DOK6: variants seen among roughly 807,000 people sequenced by gnomAD.
DOK6 encodes the protein downstream of tyrosine kinase 6.
A neutral mutation model predicts 44.0 loss-of-function variants in DOK6; 22 were observed. That is an observed-to-expected ratio of 0.50 (90% CI 0.36 to 0.71). The LOEUF (loss-of-function observed/expected upper bound fraction) is 0.71. Ranked by LOEUF, DOK6 falls within the 30% of genes least tolerant of loss-of-function variation. DOK6 has a pLI of 0.00. For missense variants in DOK6, 340 were observed against 416.4 expected, an observed-to-expected ratio of 0.82 and a Z score of 1.60; for synonymous variants, 166 against 145.5, an observed-to-expected ratio of 1.14 and a Z score of -1.01.
intron 4 of DOK6, among the ~76,000 whole-genome samples, chr18:69,689,774 T>C (rs1435527063): frequency 1.3e-5 from 2 of 152,174 alleles, no homozygotes; most frequent in African/African-American, 2.4e-5. Flanking sequence ...GAGCTAAAAA[T>C]TGGTTATTTT....
chr18:69,627,114 A>G (rs1369740060), intron 3 of DOK6, among the ~76,000 whole-genome samples: 1 of 152,184 alleles, frequency 6.6e-6, no homozygotes, highest in East Asian at 1.9e-4. Context: ...CTGCCGAGTC[A>G]TGGCCTGATT....
At chr18:69,807,940 A>C (rs984691395) in intron 7 of DOK6, among the ~76,000 whole-genome samples, 5 of 151,890 alleles carry the variant, frequency 3.3e-5, no homozygotes, top group African/African-American at 1.2e-4. Context: ...ACCTTAGACC[A>C]AATGGATCTA....
intron 7 of DOK6, among the ~76,000 whole-genome samples, chr18:69,806,652 T>C (rs926288508): frequency 2.6e-5 from 4 of 151,950 alleles, no homozygotes; most frequent in African/African-American, 9.7e-5. Flanking sequence ...ATAAATCTCA[T>C]TTATCCATCA....
intron 5 of DOK6, among the ~76,000 whole-genome samples, chr18:69,710,999 G>A (rs1986742571): frequency 1.3e-5 from 2 of 152,312 alleles, no homozygotes; most frequent in East Asian, 3.9e-4. Flanking sequence ...TCTAGCTTTG[G>A]TTTGTCTGCT....
intron 1 of DOK6, among the ~76,000 whole-genome samples, chr18:69,539,921 T>G (rs555309772): frequency 1.3e-5 from 2 of 152,320 alleles, no homozygotes; most frequent in East Asian, 3.9e-4. Flanking sequence ...GACACAATTC[T>G]GCATGGCTGG....
intron 1 of DOK6, among the ~76,000 whole-genome samples, chr18:69,555,606 C>T (rs540651573): frequency 2.9e-4 from 44 of 152,204 alleles, no homozygotes; most frequent in Middle Eastern, 3.4e-3. Context: ...TCTGATTCTA[C>T]GGTGTCTTAA....
chr18:69,814,040 C>G (rs556705935), intron 7 of DOK6, among the ~76,000 whole-genome samples: 1 of 151,804 alleles, frequency 6.6e-6, no homozygotes, highest in South Asian at 2.1e-4. Flanking sequence ...GGAGGAGACA[C>G]CAGCAGAAGA....
intron 3 of DOK6, among the ~76,000 whole-genome samples, chr18:69,605,249 T>TTAGGAAATGTATTAATAAGAG (rs1469225759): frequency 5.9e-5 from 9 of 152,102 alleles, no homozygotes; most frequent in African/African-American, 1.9e-4. Context: ...TTCTATAAGG[T>TTAGGAAATGTATTAATAAGAG]TAGGAAATGT....
chr18:69,412,684 A>T (rs1978311363), intron 1 of DOK6, among the ~76,000 whole-genome samples: 1 of 152,188 alleles, frequency 6.6e-6, no homozygotes, highest in Admixed American at 6.6e-5. Flanking sequence ...AAATGTCTAT[A>T]TCGGCTACTT....
At chr18:69,434,213 CTACCATTCCACAAA>C (rs1294154994) in intron 1 of DOK6, among the ~76,000 whole-genome samples, 5 of 152,194 alleles carry the variant, frequency 3.3e-5, no homozygotes, top group African/African-American at 1.2e-4. Flanking sequence ...TTCAATTTCT[CTACCATTCCACAAA>C]TACCTATTGA....
At chr18:69,647,326 G>C (rs529905201) in intron 3 of DOK6, 19 of 152,216 alleles carry the variant, frequency 1.2e-4, no homozygotes, top group African/African-American at 4.3e-4. Flanking sequence ...AGGTTATGGT[G>C]GTTTCACTGG....
chr18:69,566,768 G>A (rs1365177427), intron 2 of DOK6, among the ~76,000 whole-genome samples: 4 of 152,188 alleles, frequency 2.6e-5, no homozygotes, highest in East Asian at 1.9e-4. Context: ...TGAAGAAAGA[G>A]CATTTTACCT....
At chr18:69,727,709 C>T (rs533927187) in intron 5 of DOK6, among the ~76,000 whole-genome samples, 10 of 152,300 alleles carry the variant, frequency 6.6e-5, no homozygotes, top group Admixed American at 1.3e-4. Context: ...TTTGAAATTG[C>T]AGATGCTTTA....
At chr18:69,531,541 C>T (rs1321622243) in intron 1 of DOK6, among the ~76,000 whole-genome samples, 2 of 151,302 alleles carry the variant, frequency 1.3e-5, no homozygotes, top group African/African-American at 4.9e-5. Flanking sequence ...AAATGAAGGA[C>T]GTGAACAGCC....
chr18:69,801,883 G>T (rs1044218197), intron 7 of DOK6, among the ~76,000 whole-genome samples: 5 of 152,136 alleles, frequency 3.3e-5, no homozygotes, highest in African/African-American at 1.2e-4. Flanking sequence ...AGAAAGTAGG[G>T]CTTATATAGG....
intron 3 of DOK6, among the ~76,000 whole-genome samples, chr18:69,668,657 T>G (rs908506480): frequency 2.0e-5 from 3 of 152,178 alleles, no homozygotes. Context: ...TATGGACTTT[T>G]GTTTTCTTTG....
intron 7 of DOK6, among the ~76,000 whole-genome samples, chr18:69,833,058 G>A (rs1022707429): frequency 1.3e-5 from 2 of 152,006 alleles, no homozygotes; most frequent in African/African-American, 4.8e-5. Flanking sequence ...AAGTAGAAAA[G>A]ACAATTCTAA....
chr18:69,518,044 C>T (rs1981581549), intron 1 of DOK6, among the ~76,000 whole-genome samples: 1 of 152,076 alleles, frequency 6.6e-6, no homozygotes, highest in Admixed American at 6.6e-5. Flanking sequence ...GGCAAATTTC[C>T]ATTTATGCAT....
At chr18:69,439,009 C>T (rs1359398542) in intron 1 of DOK6, among the ~76,000 whole-genome samples, 2 of 152,054 alleles carry the variant, frequency 1.3e-5, no homozygotes, top group African/African-American at 2.4e-5. Flanking sequence ...GAGATGGAGG[C>T]TGCATTGAGC....
Sources: gnomAD v4.1 joint callset for allele counts (sites outside exome capture counted in the v4.1 genomes callset) on GRCh38, gnomAD v4.1.1 for gene constraint, MANE v1.5 for transcripts, NCBI Gene and HGNC (gene_info 2026-07-23, HGNC 2026-07-21) for gene names.